The following TMEM116 variants were observed in gnomAD, a reference collection of about 807,000 sequenced individuals.
The protein encoded by TMEM116 is transmembrane protein 116.
TMEM116 carries 38 observed loss-of-function variants against 44.3 expected under a neutral mutation model. That is an observed-to-expected ratio of 0.86 (90% CI 0.66 to 1.12). TMEM116 has a LOEUF of 1.12. TMEM116 is among the 50% of genes most tolerant of loss of function. The pLI is 0.00. For synonymous variants in TMEM116, 132 were observed against 144.8 expected, an observed-to-expected ratio of 0.91 and a Z score of 0.64; for missense variants, 354 against 401.7, an observed-to-expected ratio of 0.88 and a Z score of 1.01.
chr12:111,938,103 C>A, intron 6 of TMEM116, 58 bp downstream of exon 6: 1 of 1,233,948 alleles, frequency 8.1e-7, no homozygotes, highest in Non-Finnish European at 1.2e-6. Flanking sequence ...TTGTTCCCAC[C>A]TGAACACCAG....
At chr12:111,988,355 A>G (rs1031095365) in intron 4 of TMEM116, among the ~76,000 whole-genome samples, 4 of 152,220 alleles carry the variant, frequency 2.6e-5, no homozygotes, top group Admixed American at 1.3e-4. Flanking sequence ...AAATTTTTTA[A>G]TAGTAAATTT....
chr12:111,936,596 T>C (rs1475639459), intron 8 of TMEM116, 96 bp downstream of exon 8: 1 of 1,382,962 alleles, frequency 7.2e-7, no homozygotes, highest in Admixed American at 2.5e-5. Context: ...CCACAAGAAG[T>C]GCCTCTCTGC....
intron 3 of TMEM116, among the ~76,000 whole-genome samples, chr12:111,996,039 C>CAAAAAAAA (rs60431093): frequency 1.9e-5 from 1 of 53,684 alleles, no homozygotes; most frequent in Non-Finnish European, 4.4e-5. Context: ...GACCCTGTCT[C>CAAAAAAAA]AAAAAAAAAA....
chr12:112,001,985 C>T (rs904265837), intron 3 of TMEM116, among the ~76,000 whole-genome samples: 2 of 152,116 alleles, frequency 1.3e-5, no homozygotes, highest in African/African-American at 2.4e-5. Context: ...TAGGAAAGTC[C>T]CCTAACCTTA....
At chr12:111,963,442 G>C (rs1474419367) in intron 4 of TMEM116, among the ~76,000 whole-genome samples, 1 of 152,204 alleles carries the variant, frequency 6.6e-6, no homozygotes, top group East Asian at 1.9e-4. Flanking sequence ...GTCAATGATA[G>C]ACTGGATAAA....
chr12:111,954,888 T>C (rs2073972298), intron 4 of TMEM116, among the ~76,000 whole-genome samples: 1 of 152,222 alleles, frequency 6.6e-6, no homozygotes, highest in South Asian at 2.1e-4. Flanking sequence ...TGTTTTTCCA[T>C]AGCAGTTTTC....
At chr12:111,986,173 C>T (rs1008921810) in intron 4 of TMEM116, among the ~76,000 whole-genome samples, 3 of 150,922 alleles carry the variant, frequency 2.0e-5, no homozygotes, top group Non-Finnish European at 1.5e-5. Flanking sequence ...CTGAGCAACA[C>T]GGCAAGATCC....
rs917814870 is a variant in TMEM116, at chr12:111,953,580, TA to T, written c.211-10212del. ...CATTGCACATAGGCCACTTCAACCT[TA>T]CACACACAAAAAGTACTTATGCAAG... On this transcript the variant is annotated intron_variant, in intron 4 of 10. Coordinates refer to ENST00000552374, the MANE Select transcript of TMEM116 (RefSeq NM_001193531.2). 4.9e-4 allele frequency among the ~76,000 whole-genome samples: 74 copies of T among 152,306 alleles called. 1 individual carries two copies. Among genetic ancestry groups the T allele is most frequent in the African/African-American group, 1.7e-3 (70 of 41,558 alleles).
intron 3 of TMEM116, among the ~76,000 whole-genome samples, chr12:111,999,066 A>G (rs1180040369): frequency 6.6e-6 from 1 of 152,196 alleles, no homozygotes; most frequent in African/African-American, 2.4e-5. Flanking sequence ...TTTGAAGGAA[A>G]TACAAAGAAA....
rs917839133 is a variant in TMEM116, at chr12:111,945,343, CAAAAAAAAAAA to C, written c.211-1985_211-1975del. ...TGGGCAACAGAGCTAGACTCCATCT[CAAAAAAAAAAA>C]AAAAAAAAAAAAAAAGAAGAAGAAA... On this transcript the variant is annotated intron_variant, in intron 4 of 10. Coordinates refer to ENST00000552374, the MANE Select transcript of TMEM116 (RefSeq NM_001193531.2). Among the ~76,000 whole-genome samples the C allele has an allele frequency of 2.7e-4, 9 of 33,814 alleles. No homozygotes were observed. In the East Asian group the frequency reaches 3.8e-3, roughly 14 times the overall value. 22.2% of individuals were successfully genotyped at this position (33,814 alleles called of 152,430 possible).
intron 3 of TMEM116, among the ~76,000 whole-genome samples, chr12:112,001,872 G>C (rs1255106273): frequency 6.6e-6 from 1 of 152,124 alleles, no homozygotes; most frequent in Non-Finnish European, 1.5e-5. Flanking sequence ...ATTTTCATTG[G>C]ACATTATATT....
chr12:111,994,041 C>A (rs1025804534), intron 3 of TMEM116, among the ~76,000 whole-genome samples: 1 of 152,198 alleles, frequency 6.6e-6, no homozygotes, highest in Admixed American at 6.5e-5. Context: ...TCTGAAGAAG[C>A]AGCTTGGGTT....
chr12:111,936,964 A>G, intron 7 of TMEM116, 134 bp from the exon 8 acceptor site: 1 of 1,056,942 alleles, frequency 9.5e-7, no homozygotes, highest in Non-Finnish European at 1.4e-6. Flanking sequence ...TCTCCCCCAC[A>G]GACACATTAT....
At chr12:111,969,540 G>T (rs1487760659) in intron 4 of TMEM116, among the ~76,000 whole-genome samples, 1 of 151,714 alleles carries the variant, frequency 6.6e-6, no homozygotes. Flanking sequence ...GACTACCTGG[G>T]CACACCACAG....
At position 111,943,483 on chromosome 12, in the gene TMEM116, A is replaced by G; in HGVS notation, c.211-114T>C. ...GAATCCTACCTACTAGTCTATTAGT[A>G]ATGTACCATCTAGTGTCCATACCAG... On this transcript the variant is annotated intron_variant, in intron 4 of 10. Coordinates refer to ENST00000552374, the MANE Select transcript of TMEM116 (RefSeq NM_001193531.2). 6 of 758,906 alleles carry G rather than the reference A, an allele frequency of 7.9e-6. No homozygotes were observed. The South Asian group carries it at 9.9e-5, about 12-fold the overall frequency. The allele number at this position is 758,906 out of a possible 1,614,324, so 47.0% of individuals were successfully genotyped here. A position where few individuals can be genotyped will look rare whatever the true frequency, so the allele number is the denominator to read the frequency against.
chr12:111,965,570 G>A, intron 4 of TMEM116: 1 of 177,724 alleles, frequency 5.6e-6, no homozygotes, highest in South Asian at 8.9e-5. Context: ...GAAGGAAATA[G>A]GAAGTATTTT....
At chr12:111,946,839 G>A (rs1381695539) in intron 4 of TMEM116, among the ~76,000 whole-genome samples, 2 of 152,126 alleles carry the variant, frequency 1.3e-5, no homozygotes, top group African/African-American at 4.8e-5. Context: ...TAAGCATGTA[G>A]AAGTTACATC....
At chr12:111,946,978 A>G (rs966431787) in intron 4 of TMEM116, among the ~76,000 whole-genome samples, 2 of 152,316 alleles carry the variant, frequency 1.3e-5, no homozygotes, top group East Asian at 3.9e-4. Context: ...GGTCATCTAA[A>G]TGAACTTTCC....
intron 4 of TMEM116, among the ~76,000 whole-genome samples, chr12:111,966,068 A>T (rs941699022): frequency 2.6e-5 from 4 of 152,220 alleles, no homozygotes; most frequent in Non-Finnish European, 5.9e-5. Flanking sequence ...GCACTTTGGG[A>T]GGCTGAGGCG....
Sources: gnomAD v4.1 joint callset for allele counts (sites outside exome capture counted in the v4.1 genomes callset) on GRCh38, gnomAD v4.1.1 for gene constraint, MANE v1.5 for transcripts, NCBI Gene and HGNC (gene_info 2026-07-23, HGNC 2026-07-21) for gene names.